Variants in CREG2 observed in about 807,000 individuals in gnomAD.
The protein encoded by CREG2 is cellular repressor of E1A stimulated genes 2, also known as protein CREG2.
In CREG2, 24 loss-of-function variants were observed where a neutral mutation model predicts 26.2. The ratio of observed to expected loss-of-function variants is 0.92; its 90% confidence interval spans 0.66 to 1.29. The LOEUF is 1.29. Among genes scored for constraint, CREG2 ranks in the 50% most tolerant of loss-of-function variants. CREG2 has a pLI of 0.00. For synonymous variants in CREG2, 174 were observed against 169.2 expected (o/e 1.03, Z -0.22); for missense variants, 366 against 398.6 (o/e 0.92, Z 0.70).
intron 2 of CREG2, 136 bp downstream of exon 2, chr2:101,383,397 A>T: frequency 1.3e-6 from 1 of 794,766 alleles, no homozygotes; most frequent in South Asian, 1.8e-5. Flanking sequence ...ATTCTAATTT[A>T]TCTGATTTCA....
chr2:101,362,769 T>C (rs914722536), intron 2 of CREG2, among the ~76,000 whole-genome samples: 2 of 152,168 alleles, frequency 1.3e-5, no homozygotes, highest in Non-Finnish European at 2.9e-5. Flanking sequence ...CACCTGACTT[T>C]AGAGTCAGCT....
chr2:101,372,231 CAAGT>C (rs1684719374), intron 2 of CREG2, among the ~76,000 whole-genome samples: 1 of 152,156 alleles, frequency 6.6e-6, no homozygotes, highest in South Asian at 2.1e-4. Context: ...ATGATGGTGA[CAAGT>C]AAGCAAGGAG....
intron 3 of CREG2, among the ~76,000 whole-genome samples, chr2:101,354,800 G>A (rs1573301277): frequency 6.6e-6 from 1 of 152,156 alleles, no homozygotes; most frequent in South Asian, 2.1e-4. Flanking sequence ...CATTTCCGGA[G>A]AGTTTGATTC....
chr2:101,372,847 C>T (rs1684732028), intron 2 of CREG2, among the ~76,000 whole-genome samples: 1 of 152,044 alleles, frequency 6.6e-6, no homozygotes, highest in Non-Finnish European at 1.5e-5. Context: ...AGACAGTTCC[C>T]CAAAGGAGAC....
rs372635455 is a variant in CREG2, at chr2:101,368,040, G to A, written c.612-12674C>T. Among the ~76,000 whole-genome samples the A allele has an allele frequency of 3.9e-5, 6 of 152,284 alleles. No homozygotes were observed. In the East Asian group the frequency reaches 1.2e-3, roughly 29 times the overall value. ...ACGGTGGCTCAGGCCTATAATCCCA[G>A]CACTTTGGGAGGCTGAGGTGAGCAG... On this transcript the variant is annotated intron_variant, in intron 2 of 3. Coordinates refer to ENST00000324768, the MANE Select transcript of CREG2 (RefSeq NM_153836.4).
chr2:101,380,067 A>G (rs539553185), intron 2 of CREG2, among the ~76,000 whole-genome samples: 12 of 142,164 alleles, frequency 8.4e-5, no homozygotes, highest in Non-Finnish European at 4.9e-5. Context: ...CCATCCATCC[A>G]TCATTCATCT....
chr2:101,374,515 A>G (rs941450026), intron 2 of CREG2, among the ~76,000 whole-genome samples: 17 of 152,262 alleles, frequency 1.1e-4, no homozygotes, highest in African/African-American at 4.1e-4. Context: ...GGAATGAACA[A>G]GATTCAGTGA....
chr2:101,356,891 TTTC>T (rs1203851295), intron 2 of CREG2, among the ~76,000 whole-genome samples: 2 of 150,446 alleles, frequency 1.3e-5, no homozygotes, highest in Non-Finnish European at 3.0e-5. Context: ...AAGGGAACTT[TTTC>T]TTCTTTTTTT....
rs1342428727 is a variant in CREG2, at chr2:101,346,455, A to AAG, written c.*4466_*4467dup. ...TCAACGTGTTTATATCAGAAATTCG[A>AAG]AGATGTCCTCTCCTCCTAAGTGACC... On this transcript the variant is annotated 3_prime_UTR_variant, in exon 4 of 4. Coordinates refer to ENST00000324768, the MANE Select transcript of CREG2 (RefSeq NM_153836.4). 1 of 152,220 alleles carries AAG rather than the reference A, an allele frequency of 6.6e-6. No homozygotes were observed. The highest frequency in any genetic ancestry group is 1.5e-5 in the Non-Finnish European group (1 of 68,040). The allele number at this position is 152,220 out of a possible 1,614,324, so 9.4% of individuals were successfully genotyped here. A position where few individuals can be genotyped will look rare whatever the true frequency, so the allele number is the denominator to read the frequency against.
chr2:101,365,618 A>C (rs992766701), intron 2 of CREG2, among the ~76,000 whole-genome samples: 1 of 152,186 alleles, frequency 6.6e-6, no homozygotes, highest in Non-Finnish European at 1.5e-5. Flanking sequence ...ATTTTACAGC[A>C]TACCAGTATA....
chr2:101,363,956 T>C (rs1230892668), intron 2 of CREG2, among the ~76,000 whole-genome samples: 2 of 152,144 alleles, frequency 1.3e-5, no homozygotes, highest in African/African-American at 4.8e-5. Flanking sequence ...ACCATCATTG[T>C]ACAATGGTTC....
Position 101,360,265 on chromosome 2 carries a change from A to G in CREG2, c.612-4899T>C, listed in dbSNP as rs560568833. ...CTTTCTCCCCTTTAAGAAAATGTACAAATACTAAACCTCCTGAAAACCTCT... is the reference window on the plus strand; with the variant it reads ...CTTTCTCCCCTTTAAGAAAATGTACGAATACTAAACCTCCTGAAAACCTCT... On this transcript the variant is annotated intron_variant, in intron 2 of 3. Coordinates refer to ENST00000324768, the MANE Select transcript of CREG2 (RefSeq NM_153836.4). Among the ~76,000 whole-genome samples, 9 of 152,272 alleles carry G rather than the reference A, an allele frequency of 5.9e-5. No individual in the cohort carries two copies. In the East Asian group the frequency reaches 1.7e-3, roughly 29 times the overall value.
intron 2 of CREG2, among the ~76,000 whole-genome samples, chr2:101,365,398 C>T (rs1028782685): frequency 8.5e-5 from 13 of 152,120 alleles, no homozygotes; most frequent in African/African-American, 3.1e-4. Context: ...GGCGTCTCAC[C>T]TCCACCACCC....
At chr2:101,364,946 T>C (rs1222486833) in intron 2 of CREG2, among the ~76,000 whole-genome samples, 2 of 152,098 alleles carry the variant, frequency 1.3e-5, no homozygotes, top group Non-Finnish European at 2.9e-5. Flanking sequence ...GGCAGCTCCA[T>C]GTGGTCCAAG....
intron 2 of CREG2, among the ~76,000 whole-genome samples, chr2:101,376,980 G>C (rs1263627635): frequency 6.6e-6 from 1 of 152,122 alleles, no homozygotes; most frequent in Non-Finnish European, 1.5e-5. Flanking sequence ...AGGAAGAAAA[G>C]CTTGGAGAGC....
At chr2:101,369,603 A>G (rs1372906151) in intron 2 of CREG2, among the ~76,000 whole-genome samples, 1 of 152,218 alleles carries the variant, frequency 6.6e-6, no homozygotes, top group African/African-American at 2.4e-5. Flanking sequence ...TCTCCCACCA[A>G]TCTTCTACAG....
chr2:101,367,676 T>G (rs1466972011), intron 2 of CREG2, among the ~76,000 whole-genome samples: 1 of 152,142 alleles, frequency 6.6e-6, no homozygotes, highest in Admixed American at 6.5e-5. Flanking sequence ...TAACAGGGAC[T>G]TTGCACATGT....
intron 2 of CREG2, among the ~76,000 whole-genome samples, chr2:101,378,071 TG>T (rs1675007535): frequency 6.6e-6 from 1 of 152,230 alleles, no homozygotes; most frequent in African/African-American, 2.4e-5. Flanking sequence ...CCCCAGAACG[TG>T]TTTGTCTTCT....
chr2:101,347,820 T>A lies in CREG2; in HGVS notation c.*3103A>T, dbSNP rs1684327304. The A allele has an allele frequency of 6.6e-6, 1 of 152,188 alleles. No homozygotes were observed. The highest frequency in any genetic ancestry group is 1.5e-5 in the Non-Finnish European group (1 of 68,030). 9.4% of individuals were successfully genotyped at this position (152,188 alleles called of 1,614,324 possible). ...CTTTTGCAGAACAAATGTTTTAAATTCTGATGAAGTTTAATTTATCAAATT... is the reference window on the plus strand; with the variant it reads ...CTTTTGCAGAACAAATGTTTTAAATACTGATGAAGTTTAATTTATCAAATT... On this transcript the variant is annotated 3_prime_UTR_variant, in exon 4 of 4. Transcript: ENST00000324768.
Sources: allele counts gnomAD v4.1 joint callset (sites outside exome capture counted in the v4.1 genomes callset), GRCh38; gene constraint gnomAD v4.1.1; transcripts MANE v1.5; gene names NCBI Gene and HGNC (gene_info 2026-07-23, HGNC 2026-07-21).